EFCAB14: variants seen among roughly 807,000 people sequenced by gnomAD.
EFCAB14 encodes EF-hand calcium-binding domain-containing protein 14.
A neutral mutation model predicts 56.5 loss-of-function variants in EFCAB14; 43 were observed. The ratio of observed to expected loss-of-function variants is 0.76; its 90% CI spans 0.60 to 0.98. EFCAB14 has a LOEUF of 0.98. Among genes scored for constraint, EFCAB14 ranks in the 50% least tolerant of loss-of-function variants. The pLI is 0.00. For missense variants in EFCAB14, 538 were observed against 580.3 expected (o/e 0.93, Z 0.75); for synonymous variants, 235 against 212.9 (o/e 1.10, Z -0.90).
Position 46,676,119 on chromosome 1 carries a change from C to T in EFCAB14, c.*2342G>A, listed in dbSNP as rs754588123. The T allele has an allele frequency of 2.1e-4, 32 of 152,324 alleles. No homozygotes were observed. The highest frequency in any genetic ancestry group is 3.4e-3 in the Middle Eastern group (1 of 294). 9.4% of individuals were successfully genotyped at this position (152,324 alleles called of 1,614,324 possible). A position where few individuals can be genotyped will look rare whatever the true frequency, so the allele number is the denominator to read the frequency against. ...TAATAGGCTTATGGGATGCTTAAGCCAGTGAGTCTGCTCAACTCAGAAGAA... is the reference window on the plus strand; with the variant it reads ...TAATAGGCTTATGGGATGCTTAAGCTAGTGAGTCTGCTCAACTCAGAAGAA... On this transcript the variant is annotated 3_prime_UTR_variant, in exon 11 of 11. Transcript: ENST00000371933.
chr1:46,716,280 TA>T lies in EFCAB14; in HGVS notation c.334+14del. On this transcript the variant is annotated intron_variant, in intron 2 of 10. Coordinates refer to ENST00000371933, the MANE Select transcript of EFCAB14 (RefSeq NM_014774.3). Reference sequence around the variant, plus strand: ...AAAAAAAAAAAAAAAAAAAAGAGAGTAACCACTTACTTACTTGTTCGAAATT... The same window carrying T: ...AAAAAAAAAAAAAAAAAAAAGAGAGTACCACTTACTTACTTGTTCGAAATT... The T allele has an allele frequency of 4.0e-6, 5 of 1,264,794 alleles. No individual in the cohort carries two copies. In the Middle Eastern group the frequency reaches 9.1e-4, roughly 230 times the overall value. The allele number at this position is 1,264,794 out of a possible 1,614,324, so 78.3% of individuals were successfully genotyped here. A position where few individuals can be genotyped will look rare whatever the true frequency, so the allele number is the denominator to read the frequency against.
rs998374561 is a variant in EFCAB14 at position 46,676,346 on chromosome 1, A to G, written c.*2115T>C. The G allele has an allele frequency of 6.6e-5, 10 of 152,306 alleles. No individual in the cohort carries two copies. The highest frequency in any genetic ancestry group is 2.4e-4 in the African/African-American group (10 of 41,458). The allele number at this position is 152,306 out of a possible 1,614,324, so 9.4% of individuals were successfully genotyped here. A position where few individuals can be genotyped will look rare whatever the true frequency, so the allele number is the denominator to read the frequency against. ...AGAACAGAAGATAAACCAAAAAACA[A>G]AATGGATTTCTCCATGTATAGTTAT... On this transcript the variant is annotated 3_prime_UTR_variant, in exon 11 of 11. Transcript: ENST00000371933.
rs777370685 is a variant in EFCAB14 at position 46,688,457 on chromosome 1, T to C, written c.883A>G (p.Met295Val). Reference protein sequence around the residue: ...QRQNDLKLEGMNETVSNLTQR... With the variant: ...QRQNDLKLEGVNETVSNLTQR... ...GTAAGATTACTGACTGTCTCGTTCA[T>C]TCCCTCGAGTTTAAGATCATTCTGT... is the stretch of plus-strand genomic sequence containing the variant. The change falls in exon 7 of 11, where the codon ATG becomes GTG. Residue 295 changes from methionine to valine, a missense_variant. By Grantham distance (21) the Met-to-Val change is conservative. Transcript: ENST00000371933. 140 of 1,613,888 alleles carry C rather than the reference T, an allele frequency of 8.7e-5. No individual in the cohort carries two copies. The highest frequency in any genetic ancestry group is 1.1e-4 in the Non-Finnish European group (134 of 1,179,894).
At chr1:46,715,144 A>G (rs1677367702) in intron 2 of EFCAB14, among the ~76,000 whole-genome samples, 1 of 152,220 alleles carries the variant, frequency 6.6e-6, no homozygotes, top group South Asian at 2.1e-4. Flanking sequence ...CTAAGCTTGA[A>G]AACTGATAAG....
chr1:46,719,085 C>CG lies in EFCAB14; in HGVS notation c.-999dup, dbSNP rs1677447031. On this transcript the variant is annotated 5_prime_UTR_variant, in exon 1 of 11. The change abolishes the stop of an existing upstream ORF in the 5' untranslated region. Transcript: ENST00000371933. The surrounding 1 kb of genome is among the most constrained non-coding windows in gnomAD (Gnocchi z 4.0). ...CGGCGGCGGCCGCGAGCTCCAGCCC[C>CG]GGGCCATCGCTCCAGCCCCAGATCA... 1 of 157,324 alleles carries CG rather than the reference C, an allele frequency of 6.4e-6. No individual in the cohort carries two copies. Among genetic ancestry groups the CG allele is most frequent in the Non-Finnish European group, 1.4e-5 (1 of 71,752 alleles). The allele number at this position is 157,324 out of a possible 1,614,324, so 9.7% of individuals were successfully genotyped here. A position where few individuals can be genotyped will look rare whatever the true frequency, so the allele number is the denominator to read the frequency against.
chr1:46,712,499 A>G (rs1302897136), intron 2 of EFCAB14, among the ~76,000 whole-genome samples: 7 of 151,198 alleles, frequency 4.6e-5, no homozygotes, highest in Non-Finnish European at 1.0e-4. Flanking sequence ...AAAAAAAAAG[A>G]AAAAAAAAGG....
At chr1:46,693,136 A>G (rs1677025554) in intron 4 of EFCAB14, among the ~76,000 whole-genome samples, 1 of 152,212 alleles carries the variant, frequency 6.6e-6, no homozygotes, top group Non-Finnish European at 1.5e-5. Flanking sequence ...GTAGTGGCTT[A>G]CTTTGCTTTC....
chr1:46,701,389 CT>C (rs5773920), intron 3 of EFCAB14, among the ~76,000 whole-genome samples: 57,018 of 151,904 alleles, frequency 0.38, 12,017 homozygotes, highest in East Asian at 0.78. Flanking sequence ...TCCTAATACT[CT>C]TATCAATTAT....
Position 46,678,404 on chromosome 1 carries a change from T to A in EFCAB14, c.*57A>T, listed in dbSNP as rs1480553643. On this transcript the variant is annotated 3_prime_UTR_variant, in exon 11 of 11. Coordinates refer to ENST00000371933, the MANE Select transcript of EFCAB14 (RefSeq NM_014774.3). ...GGACTGATGGGTAAGTAAGGGTTGTTTTGTTGTTAGGTAAATAGATATTAG... is the reference window on the plus strand; with the variant it reads ...GGACTGATGGGTAAGTAAGGGTTGTATTGTTGTTAGGTAAATAGATATTAG... 1.3e-6 allele frequency: 2 copies of A among 1,594,072 alleles called. No homozygotes were observed. The highest frequency in any genetic ancestry group is 2.7e-5 in the African/African-American group (2 of 74,388).
chr1:46,693,223 C>G (rs1677027417), intron 4 of EFCAB14, among the ~76,000 whole-genome samples: 1 of 152,136 alleles, frequency 6.6e-6, no homozygotes, highest in South Asian at 2.1e-4. Context: ...AAAGCCTGTC[C>G]TAAGGGAACA....
Position 46,717,894 on chromosome 1 carries a change from A to G in EFCAB14, c.185+9T>C. The G allele has an allele frequency of 6.2e-7, 1 of 1,610,990 alleles. No individual in the cohort carries two copies. The highest frequency in any genetic ancestry group is 1.1e-5 in the South Asian group (1 of 90,944). On this transcript the variant is annotated intron_variant, in intron 1 of 10. Coordinates refer to ENST00000371933, the MANE Select transcript of EFCAB14 (RefSeq NM_014774.3). ...CCTTCTTCCCATTCCACCTTTCACCACTACTCACTTGGCAAAGCGAGAGCG... is the reference window on the plus strand; with the variant it reads ...CCTTCTTCCCATTCCACCTTTCACCGCTACTCACTTGGCAAAGCGAGAGCG...
At chr1:46,700,335 T>C (rs1195217422) in intron 3 of EFCAB14, among the ~76,000 whole-genome samples, 2 of 152,192 alleles carry the variant, frequency 1.3e-5, no homozygotes, top group Non-Finnish European at 2.9e-5. Context: ...CACTAAAACA[T>C]GCAATTCTAC....
intron 2 of EFCAB14, among the ~76,000 whole-genome samples, chr1:46,711,087 G>C (rs997054583): frequency 6.6e-6 from 1 of 152,162 alleles, no homozygotes; most frequent in Admixed American, 6.5e-5. Flanking sequence ...TGTGAATAAT[G>C]CTATAATAAA....
chr1:46,684,782 G>A (rs1293191215), intron 8 of EFCAB14, among the ~76,000 whole-genome samples, 180 bp from the exon 9 acceptor site: 1 of 152,164 alleles, frequency 6.6e-6, no homozygotes, highest in Admixed American at 6.5e-5. Flanking sequence ...GCACTGATAA[G>A]TATCTTGCTG....
rs1676735283 is a variant in EFCAB14, at chr1:46,678,620, G to T, written c.1329C>A (p.Phe443Leu). 1 of 1,611,422 alleles carries T rather than the reference G, an allele frequency of 6.2e-7. No individual in the cohort carries two copies. The highest frequency in any genetic ancestry group is 1.3e-5 in the African/African-American group (1 of 74,826). ...CATCCACGTCCTGGCCAGTCTTGCG[G>T]AATAAATCCTGAAGATCTGTCAAAA... Reference protein sequence around the residue: ...VSSTEDLQDLFRKTGQDVDGK... With the variant: ...VSSTEDLQDLLRKTGQDVDGK... Residue 443 changes from phenylalanine to leucine, a missense_variant, in exon 11 of 11, where the codon TTC becomes TTA. By Grantham distance (22) the Phe-to-Leu change is conservative (BLOSUM62 0). Coordinates refer to ENST00000371933, the MANE Select transcript of EFCAB14 (RefSeq NM_014774.3).
chr1:46,707,725 T>C (rs1199930385), intron 3 of EFCAB14, among the ~76,000 whole-genome samples, 181 bp downstream of exon 3: 2 of 152,220 alleles, frequency 1.3e-5, no homozygotes, highest in African/African-American at 4.8e-5. Context: ...AAATATCTGG[T>C]AAATGCATAA....
intron 3 of EFCAB14, among the ~76,000 whole-genome samples, chr1:46,701,103 C>A (rs1204657381): frequency 2.6e-5 from 4 of 151,550 alleles, no homozygotes; most frequent in African/African-American, 9.7e-5. Context: ...ATATAAGAAT[C>A]CACTCACAAA....
rs1220522672 is a variant in EFCAB14 at position 46,675,652 on chromosome 1, A to G, written c.*2809T>C. ...ATCTCCAACAGAAGGGACAATGGCCAGCAGTAGGTGAAGGGAACCCATTCT... is the reference window on the plus strand; with the variant it reads ...ATCTCCAACAGAAGGGACAATGGCCGGCAGTAGGTGAAGGGAACCCATTCT... On this transcript the variant is annotated 3_prime_UTR_variant, in exon 11 of 11. Transcript: ENST00000371933. 6.6e-6 allele frequency: 1 copy of G among 152,300 alleles called. No homozygotes were observed. Among genetic ancestry groups the G allele is most frequent in the Non-Finnish European group, 1.5e-5 (1 of 68,090 alleles). The allele number at this position is 152,300 out of a possible 1,614,324, so 9.4% of individuals were successfully genotyped here.
chr1:46,686,299 C>T (rs1433856009), intron 8 of EFCAB14, among the ~76,000 whole-genome samples: 1 of 152,116 alleles, frequency 6.6e-6, no homozygotes, highest in East Asian at 1.9e-4. Context: ...GATTGCAATA[C>T]AAAAATAGGA....
Sources: allele counts gnomAD v4.1 joint callset (sites outside exome capture counted in the v4.1 genomes callset), GRCh38; gene constraint gnomAD v4.1.1; non-coding constraint Gnocchi (gnomAD v3.1); transcripts MANE v1.5; gene names NCBI Gene and HGNC (gene_info 2026-07-23, HGNC 2026-07-21).